Variants in RANBP9 observed in about 807,000 individuals in gnomAD.
The protein encoded by RANBP9 is ran-binding protein 9.
RANBP9 carries 15 observed loss-of-function variants against 84.3 expected under a neutral mutation model. That is an observed-to-expected ratio of 0.18 (90% CI 0.12 to 0.27). RANBP9 has a LOEUF of 0.27. Ranked by LOEUF, RANBP9 falls within the 10% of genes least tolerant of loss-of-function variation. The pLI is 1.00. For missense variants in RANBP9, 809 were observed against 912.8 expected (o/e 0.89, Z 1.46); for synonymous variants, 392 against 349.6 (o/e 1.12, Z -1.35).
At chr6:13,710,543 G>A (rs1019213852) in intron 1 of RANBP9, among the ~76,000 whole-genome samples, 1 of 152,136 alleles carries the variant, frequency 6.6e-6, no homozygotes, top group South Asian at 2.1e-4. Flanking sequence ...GAGAACGCCT[G>A]ACCCACCACC....
chr6:13,689,030 T>A (rs1435923176), intron 2 of RANBP9, among the ~76,000 whole-genome samples: 3 of 135,746 alleles, frequency 2.2e-5, no homozygotes, highest in East Asian at 4.3e-4. Flanking sequence ...CGCACACCCA[T>A]AGTCCCAGCT....
chr6:13,634,358 A>C, intron 11 of RANBP9, 73 bp downstream of exon 11: 1 of 1,522,732 alleles, frequency 6.6e-7, no homozygotes, highest in Non-Finnish European at 8.9e-7. Flanking sequence ...ATCAGCTGTG[A>C]ATCAGTACAA....
Position 13,705,818 on chromosome 6 carries a change from G to T in RANBP9, c.571+5117C>A, listed in dbSNP as rs7772324. Among the ~76,000 whole-genome samples, 487 of 141,460 alleles carry T rather than the reference G, an allele frequency of 3.4e-3. 2 individuals carry two copies. The highest frequency in any genetic ancestry group is 0.013 in the African/African-American group (474 of 37,282). 92.8% of individuals were successfully genotyped at this position (141,460 alleles called of 152,430 possible). ...GCGGAGCTTGCAGTGAGCGGAGATC[G>T]CGCCACTGCCCTGCAGCCTGGGCCT... On this transcript the variant is annotated intron_variant, in intron 1 of 13. Coordinates refer to ENST00000011619, the MANE Select transcript of RANBP9 (RefSeq NM_005493.3).
chr6:13,678,225 G>A (rs919778474), intron 2 of RANBP9, among the ~76,000 whole-genome samples: 2 of 152,098 alleles, frequency 1.3e-5, no homozygotes, highest in African/African-American at 4.8e-5. Flanking sequence ...CTATCTAAAA[G>A]AAATGAGAAC....
rs1467933688 is a variant in RANBP9 at position 13,622,457 on chromosome 6, G to C, written c.2095C>G (p.Leu699Val). 6.3e-7 allele frequency: 1 copy of C among 1,595,636 alleles called. No homozygotes were observed. The highest frequency in any genetic ancestry group is 1.3e-5 in the African/African-American group (1 of 74,106). The change falls in exon 14 of 14, where the codon CTA becomes GTA. Residue 699 changes from leucine (L) to valine (V), a missense_variant. Physicochemically the swap from Leu to Val is conservative, Grantham distance 32 (BLOSUM62 1). Coordinates refer to ENST00000011619, the MANE Select transcript of RANBP9 (RefSeq NM_005493.3). ...HNLPKQPPLA[L>V]AMGQATQCLG... Reference sequence around the variant, plus strand: ...CATTGTGTGGCCTGTCCCATTGCTAGGGCAAGTGGAGGTTGCTTTGGCAGA... The same window carrying C: ...CATTGTGTGGCCTGTCCCATTGCTACGGCAAGTGGAGGTTGCTTTGGCAGA...
intron 5 of RANBP9, among the ~76,000 whole-genome samples, chr6:13,650,412 C>T (rs1258292527): frequency 2.0e-5 from 3 of 152,108 alleles, no homozygotes; most frequent in Non-Finnish European, 2.9e-5. Flanking sequence ...GGTATCTATT[C>T]TCTACCTCTG....
At chr6:13,625,080 C>A (rs1018654555) in intron 13 of RANBP9, among the ~76,000 whole-genome samples, 66 of 152,328 alleles carry the variant, frequency 4.3e-4, no homozygotes, top group African/African-American at 1.4e-3. Flanking sequence ...GCTCTTCACT[C>A]CCTTACTTCC....
At chr6:13,694,356 A>G (rs1325735151) in intron 2 of RANBP9, among the ~76,000 whole-genome samples, 2 of 152,240 alleles carry the variant, frequency 1.3e-5, no homozygotes, top group Non-Finnish European at 2.9e-5. Flanking sequence ...TACAACAGGG[A>G]GGAATCTCGA....
chr6:13,636,780 ACACT>A (rs1376514965), intron 10 of RANBP9, among the ~76,000 whole-genome samples: 2 of 152,318 alleles, frequency 1.3e-5, no homozygotes, highest in East Asian at 1.9e-4. Context: ...TCAATCACAC[ACACT>A]ATTACTTCAG....
Position 13,705,868 on chromosome 6 carries a change from C to CAAAAAAAAAAAA in RANBP9, c.571+5055_571+5066dup, listed in dbSNP as rs767070995. On this transcript the variant is annotated intron_variant, in intron 1 of 13. Coordinates refer to ENST00000011619, the MANE Select transcript of RANBP9 (RefSeq NM_005493.3). ...TGGGCGACAGAGCAAGACTCCGTCT[C>CAAAAAAAAAAAA]AAAAAAAAAAAAAAAAAAGAAACAT... Among the ~76,000 whole-genome samples the CAAAAAAAAAAAA allele has an allele frequency of 2.3e-4, 18 of 76,736 alleles. 1 individual carries two copies. Among genetic ancestry groups the CAAAAAAAAAAAA allele is most frequent in the East Asian group, 2.2e-3 (5 of 2,276 alleles). 50.3% of individuals were successfully genotyped at this position (76,736 alleles called of 152,430 possible). A position where few individuals can be genotyped will look rare whatever the true frequency, so the allele number is the denominator to read the frequency against.
At chr6:13,622,632 A>G in intron 13 of RANBP9, 140 bp from the exon 14 acceptor site, 1 of 897,998 alleles carries the variant, frequency 1.1e-6, no homozygotes, top group Non-Finnish European at 1.6e-6. Context: ...AAGGTTTCTA[A>G]GCAAAAGACA....
chr6:13,647,606 A>C (rs941879172), intron 5 of RANBP9, among the ~76,000 whole-genome samples: 2 of 152,194 alleles, frequency 1.3e-5, no homozygotes, highest in Non-Finnish European at 2.9e-5. Context: ...GTGTTTAGAA[A>C]GAAGTCTAAA....
At chr6:13,688,192 C>G (rs188372005) in intron 2 of RANBP9, among the ~76,000 whole-genome samples, 1 of 152,314 alleles carries the variant, frequency 6.6e-6, no homozygotes, top group Admixed American at 6.5e-5. Flanking sequence ...ACCACAGAAC[C>G]AGTTAAGTAG....
chr6:13,660,524 G>A (rs963582947), intron 2 of RANBP9, among the ~76,000 whole-genome samples: 14 of 151,916 alleles, frequency 9.2e-5, no homozygotes, highest in South Asian at 6.2e-4. Context: ...TCAGGCTGGA[G>A]GGCAAAAACA....
Position 13,622,064 on chromosome 6 carries a change from A to C in RANBP9, c.*298T>G. ...CCCCCTCCCCCACAAAGAAGGCAGG[A>C]TTTTTGGTTTCTTTTAGGTAATTGT... On this transcript the variant is annotated 3_prime_UTR_variant, in exon 14 of 14. Transcript: ENST00000011619. 5.8e-6 allele frequency: 1 copy of C among 173,774 alleles called. No individual in the cohort carries two copies. Among genetic ancestry groups the C allele is most frequent in the Non-Finnish European group, 1.2e-5 (1 of 83,090 alleles). The allele number at this position is 173,774 out of a possible 1,614,324, so 10.8% of individuals were successfully genotyped here.
intron 2 of RANBP9, among the ~76,000 whole-genome samples, chr6:13,688,797 A>C (rs1056883983): frequency 6.6e-5 from 10 of 151,332 alleles, no homozygotes; most frequent in Middle Eastern, 3.2e-3. Context: ...CACACACTTC[A>C]TCCTCTCCCC....
At chr6:13,636,115 A>G (rs1343104720) in intron 10 of RANBP9, among the ~76,000 whole-genome samples, 3 of 152,194 alleles carry the variant, frequency 2.0e-5, no homozygotes, top group South Asian at 4.1e-4. Context: ...GACAGAAGTT[A>G]TACTGGAGGT....
intron 1 of RANBP9, among the ~76,000 whole-genome samples, chr6:13,700,021 A>T (rs943794053): frequency 4.6e-5 from 7 of 152,210 alleles, no homozygotes; most frequent in African/African-American, 1.4e-4. Flanking sequence ...TAACCAAAAA[A>T]CAACCTCATA....
intron 3 of RANBP9, among the ~76,000 whole-genome samples, chr6:13,658,567 G>A (rs777437719): frequency 6.6e-6 from 1 of 152,130 alleles, no homozygotes; most frequent in African/African-American, 2.4e-5. Flanking sequence ...CCAAAACTGC[G>A]CCACTGCCCT....
Sources: allele counts gnomAD v4.1 joint callset (sites outside exome capture counted in the v4.1 genomes callset), GRCh38; gene constraint gnomAD v4.1.1; transcripts MANE v1.5; gene names NCBI Gene and HGNC (gene_info 2026-07-23, HGNC 2026-07-21).